ABLIM2: variants seen among roughly 807,000 people sequenced by gnomAD.
ABLIM2 encodes the protein actin binding LIM protein family member 2.
In ABLIM2, 53 loss-of-function variants were observed where a neutral mutation model predicts 97.7. The ratio of observed to expected loss-of-function variants is 0.54; its 90% confidence interval spans 0.44 to 0.68. The LOEUF is 0.68. Ranked by LOEUF, ABLIM2 falls within the 30% of genes least tolerant of loss-of-function variation. ABLIM2 has a pLI of 0.00. For missense variants in ABLIM2, 835 were observed against 867.2 expected (o/e 0.96, Z 0.47); for synonymous variants, 361 against 345.8 (o/e 1.04, Z -0.49).
intron 3 of ABLIM2, among the ~76,000 whole-genome samples, chr4:8,090,118 T>C (rs1209990370): frequency 6.6e-6 from 1 of 151,880 alleles, no homozygotes; most frequent in African/African-American, 2.4e-5. Flanking sequence ...CCCAGGGCCC[T>C]CCCCTCCCAT....
chr4:7,989,947 T>G (rs187746029), intron 17 of ABLIM2, among the ~76,000 whole-genome samples: 1 of 152,198 alleles, frequency 6.6e-6, no homozygotes, highest in Non-Finnish European at 1.5e-5. Context: ...GTTATGAGCA[T>G]CTACCATGCA....
In ABLIM2 at chr4:8,085,174, A is replaced by T. The variant is rs1822591500; in HGVS notation, c.454+2995T>A. ...CTCAGGGCCACGGGACTCAAGCTTGAGCTCTGCCTCAAGAGCCAGCCACTC... is the reference window on the plus strand; with the variant it reads ...CTCAGGGCCACGGGACTCAAGCTTGTGCTCTGCCTCAAGAGCCAGCCACTC... On this transcript the variant is annotated intron_variant, in intron 4 of 20. Coordinates refer to ENST00000447017, the MANE Select transcript of ABLIM2 (RefSeq NM_001130083.2). The surrounding 1 kb of genome is among the most constrained non-coding windows in gnomAD (Gnocchi z 6.1). Among the ~76,000 whole-genome samples the T allele has an allele frequency of 6.6e-6, 1 of 151,830 alleles. No individual in the cohort carries two copies. The highest frequency in any genetic ancestry group is 6.6e-5 in the Admixed American group (1 of 15,266).
intron 20 of ABLIM2, among the ~76,000 whole-genome samples, chr4:7,967,446 T>C (rs146171705): frequency 2.4e-3 from 359 of 152,306 alleles, no homozygotes; most frequent in African/African-American, 7.7e-3. Context: ...TGAGCTTTTA[T>C]AGATTTCCTT....
chr4:7,972,140 G>T (rs1041443598), intron 20 of ABLIM2, among the ~76,000 whole-genome samples: 3 of 152,186 alleles, frequency 2.0e-5, no homozygotes, highest in African/African-American at 7.2e-5. Flanking sequence ...CTCCAGGAGA[G>T]CCTTCCCTCC....
At chr4:8,089,313 C>T (rs936904978) in intron 3 of ABLIM2, among the ~76,000 whole-genome samples, 3 of 152,274 alleles carry the variant, frequency 2.0e-5, no homozygotes, top group Admixed American at 6.5e-5. Context: ...TGTCTGCCCT[C>T]GACACCTGCT....
chr4:8,040,612 A>G (rs1438311801), intron 9 of ABLIM2, among the ~76,000 whole-genome samples: 1 of 74,682 alleles, frequency 1.3e-5, no homozygotes, highest in Non-Finnish European at 2.9e-5. Flanking sequence ...CTCCATTTCA[A>G]AAAAAAAAAA....
At position 8,087,986 on chromosome 4, in the gene ABLIM2, C is replaced by T. The variant is rs1293574717; in HGVS notation, c.454+183G>A. ...ACCAAGCCCCCAACTCAGCACCCCC[C>T]CCACAACCAGCAAGCCCCCACTTAG... On this transcript the variant is annotated intron_variant, in intron 4 of 20. Transcript: ENST00000447017. The surrounding 1 kb of genome is among the most constrained non-coding windows in gnomAD (Gnocchi z 4.6). Among the ~76,000 whole-genome samples, 2 of 125,410 alleles carry T rather than the reference C, an allele frequency of 1.6e-5. No homozygotes were observed. The highest frequency in any genetic ancestry group is 3.3e-4 in the South Asian group (1 of 2,990). The allele number at this position is 125,410 out of a possible 152,430, so 82.3% of individuals were successfully genotyped here.
rs926544666 is a variant in ABLIM2 at position 8,071,930 on chromosome 4, C to T, written c.675+5698G>A. On this transcript the variant is annotated intron_variant, in intron 6 of 20. Transcript: ENST00000447017. This position sits in a 1 kb window ranked among gnomAD's most constrained non-coding sequence, Gnocchi z 6.2. Reference sequence around the variant, plus strand: ...AGTCCACTGTCACCCAGCGGGGCACCGGCACACTGGGCCGAGCATCAGGCA... The same window carrying T: ...AGTCCACTGTCACCCAGCGGGGCACTGGCACACTGGGCCGAGCATCAGGCA... 5 of 985,436 alleles carry T rather than the reference C, an allele frequency of 5.1e-6. No homozygotes were observed. Among genetic ancestry groups the T allele is most frequent in the South Asian group, 4.7e-5 (1 of 21,282 alleles). 61.0% of individuals were successfully genotyped at this position (985,436 alleles called of 1,614,324 possible). A position where few individuals can be genotyped will look rare whatever the true frequency, so the allele number is the denominator to read the frequency against.
intron 4 of ABLIM2, among the ~76,000 whole-genome samples, chr4:8,081,058 T>C (rs143087012): frequency 1.3e-5 from 2 of 152,088 alleles, no homozygotes; most frequent in East Asian, 3.9e-4. Flanking sequence ...TGGGGAAACC[T>C]AGATGAAGAA....
At chr4:8,152,464 G>A (rs774992815) in intron 1 of ABLIM2, among the ~76,000 whole-genome samples, 1 of 152,236 alleles carries the variant, frequency 6.6e-6, no homozygotes, top group South Asian at 2.1e-4. Flanking sequence ...AGGGCCCCAG[G>A]GCGGCACTTG....
rs1177526816 is a variant in ABLIM2 at position 8,054,185 on chromosome 4, A to T, written c.822+3T>A. The T allele has an allele frequency of 1.2e-6, 2 of 1,613,926 alleles. No individual in the cohort carries two copies. Among genetic ancestry groups the T allele is most frequent in the African/African-American group, 2.7e-5 (2 of 74,952 alleles). Reference sequence around the variant, plus strand: ...ATCAGAGACACCAGTGAATGCCACCAACCTTGTTTCTGTCTTCAGTTCTGG... The same window carrying T: ...ATCAGAGACACCAGTGAATGCCACCTACCTTGTTTCTGTCTTCAGTTCTGG... On this transcript the variant is annotated splice_donor_region_variant and intron_variant, in intron 8 of 20. Coordinates refer to ENST00000447017, the MANE Select transcript of ABLIM2 (RefSeq NM_001130083.2). This position sits in a 1 kb window ranked among gnomAD's most constrained non-coding sequence, Gnocchi z 4.9.
In ABLIM2 at chr4:7,982,016, TC is replaced by T. The variant is rs528751643; in HGVS notation, c.1824+1247del. Among the ~76,000 whole-genome samples, 147 of 152,174 alleles carry T rather than the reference TC, an allele frequency of 9.7e-4. 1 individual carries two copies. Among genetic ancestry groups the T allele is most frequent in the African/African-American group, 3.5e-3 (146 of 41,506 alleles). ...TTCTGAGGAGCAGCCTGGTGCCTTCTCCCCTCTCTGGCCCCAGCACTAGGGT... is the reference window on the plus strand; with the variant it reads ...TTCTGAGGAGCAGCCTGGTGCCTTCTCCCTCTCTGGCCCCAGCACTAGGGT... On this transcript the variant is annotated intron_variant, in intron 20 of 20. Coordinates refer to ENST00000447017, the MANE Select transcript of ABLIM2 (RefSeq NM_001130083.2).
chr4:8,146,848 T>TTC (rs56963057), intron 1 of ABLIM2, among the ~76,000 whole-genome samples: 89,023 of 151,912 alleles, frequency 0.59, 26,625 homozygotes, highest in Admixed American at 0.67. Flanking sequence ...TTTTTTTAAA[T>TTC]TGTTTTAATT....
intron 19 of ABLIM2, 44 bp downstream of exon 19, chr4:7,983,503 G>A (rs1234609522): frequency 2.2e-5 from 35 of 1,611,472 alleles, no homozygotes; most frequent in Non-Finnish European, 3.0e-5. Context: ...ACCTGGGCAG[G>A]TGTGGCGCGG....
Position 8,149,538 on chromosome 4 carries a change from G to T in ABLIM2, c.10+9142C>A, listed in dbSNP as rs1461475007. ...GAAGCAGAGGGCCTAGAGATGGGAAGAAAGCTTCACAGAGGCCCTGGAGTC... is the reference window on the plus strand; with the variant it reads ...GAAGCAGAGGGCCTAGAGATGGGAATAAAGCTTCACAGAGGCCCTGGAGTC... On this transcript the variant is annotated intron_variant, in intron 1 of 20. Coordinates refer to ENST00000447017, the MANE Select transcript of ABLIM2 (RefSeq NM_001130083.2). This position sits in a 1 kb window ranked among gnomAD's most constrained non-coding sequence, Gnocchi z 6.4. Among the ~76,000 whole-genome samples, 1 of 151,944 alleles carries T rather than the reference G, an allele frequency of 6.6e-6. No homozygotes were observed. The highest frequency in any genetic ancestry group is 1.5e-5 in the Non-Finnish European group (1 of 67,990).
chr4:8,009,664 G>A (rs189508254), intron 14 of ABLIM2, among the ~76,000 whole-genome samples: 131 of 152,228 alleles, frequency 8.6e-4, no homozygotes, highest in African/African-American at 3.0e-3. Context: ...CCAAACTGCT[G>A]GGATTACAGG....
chr4:8,007,966 T>C, intron 16 of ABLIM2, 93 bp downstream of exon 16: 2 of 1,546,088 alleles, frequency 1.3e-6, no homozygotes, highest in Non-Finnish European at 1.7e-6. Flanking sequence ...CAGGCAAGGC[T>C]TAGATGTAGG....
Position 8,127,427 on chromosome 4 carries a change from C to A in ABLIM2, c.11-20790G>T. On this transcript the variant is annotated intron_variant, in intron 1 of 20. Coordinates refer to ENST00000447017, the MANE Select transcript of ABLIM2 (RefSeq NM_001130083.2). The surrounding 1 kb of genome is among the most constrained non-coding windows in gnomAD (Gnocchi z 7.3). ...CACAACTTGACTGGACCCGTCCTTT[C>A]CCACCAGACCCCTGAAGCTGATTCA... 1 of 1,207,914 alleles carries A rather than the reference C, an allele frequency of 8.3e-7. No homozygotes were observed. 74.8% of individuals were successfully genotyped at this position (1,207,914 alleles called of 1,614,324 possible). A position where few individuals can be genotyped will look rare whatever the true frequency, so the allele number is the denominator to read the frequency against.
In ABLIM2 at chr4:8,091,334, A is replaced by ATG. The variant is rs1466887126; in HGVS notation, c.339-3051_339-3050insCA. On this transcript the variant is annotated intron_variant, in intron 3 of 20. Transcript: ENST00000447017. ...ATATATATAATTATATATATATTAT[A>ATG]TATATAATATATATATAATTATATA... is the stretch of plus-strand genomic sequence containing the variant. Among the ~76,000 whole-genome samples the ATG allele has an allele frequency of 7.5e-3, 236 of 31,408 alleles. 33 individuals carry two copies. The highest frequency in any genetic ancestry group is 0.039 in the African/African-American group (228 of 5,914). 20.6% of individuals were successfully genotyped at this position (31,408 alleles called of 152,430 possible). A position where few individuals can be genotyped will look rare whatever the true frequency, so the allele number is the denominator to read the frequency against.
Sources: gnomAD v4.1 joint callset for allele counts (sites outside exome capture counted in the v4.1 genomes callset) on GRCh38, gnomAD v4.1.1 for gene constraint, Gnocchi (gnomAD v3.1) non-coding constraint, MANE v1.5 for transcripts, NCBI Gene and HGNC (gene_info 2026-07-23, HGNC 2026-07-21) for gene names.